ATXN10: variants seen among roughly 807,000 people sequenced by gnomAD.
ATXN10 encodes ataxin 10, also known as ataxin-10.
ATXN10 carries 28 observed loss-of-function variants against 52.9 expected under a neutral mutation model. The ratio of observed to expected loss-of-function variants is 0.53; its 90% CI spans 0.39 to 0.73. The LOEUF is 0.73. ATXN10 is among the 30% of genes least tolerant of loss of function. The probability of loss-of-function intolerance (pLI) is 0.00; values close to 1 mark genes in which losing one functional copy is unlikely to be tolerated. For synonymous variants in ATXN10, 226 were observed against 221.5 expected (o/e 1.02, Z -0.18); for missense variants, 565 against 577.0 (o/e 0.98, Z 0.21).
intron 3 of ATXN10, among the ~76,000 whole-genome samples, chr22:45,694,213 T>A (rs1000070567): frequency 1.3e-5 from 2 of 152,168 alleles, no homozygotes; most frequent in African/African-American, 4.8e-5. Context: ...TGGTCTTTGT[T>A]CTTCTAGCAT....
chr22:45,693,668 C>A (rs1400538860), intron 3 of ATXN10, among the ~76,000 whole-genome samples: 1 of 152,110 alleles, frequency 6.6e-6, no homozygotes, highest in African/African-American at 2.4e-5. Flanking sequence ...ATGGTCCTAA[C>A]CCCCAATACC....
Position 45,705,122 on chromosome 22 carries a change from A to C in ATXN10, c.647+2275A>C, listed in dbSNP as rs942948892. On this transcript the variant is annotated intron_variant, in intron 5 of 11. Transcript: ENST00000252934. This position sits in a 1 kb window ranked among gnomAD's most constrained non-coding sequence, Gnocchi z 5.2. ...TTCCTGAGATAAATCCTACTTGTTC[A>C]TAGTGTATAATCCTTTTTATATGTT... 2.6e-5 allele frequency among the ~76,000 whole-genome samples: 4 copies of C among 152,128 alleles called. No individual in the cohort carries two copies. The highest frequency in any genetic ancestry group is 9.7e-5 in the African/African-American group (4 of 41,410).
rs1161285550 is a variant in ATXN10 at position 45,787,132 on chromosome 22, AGAT to A, written c.1174-19823_1174-19821del. 6.6e-6 allele frequency among the ~76,000 whole-genome samples: 1 copy of A among 152,250 alleles called. No homozygotes were observed. Among genetic ancestry groups the A allele is most frequent in the African/African-American group, 2.4e-5 (1 of 41,468 alleles). On this transcript the variant is annotated intron_variant, in intron 9 of 11. Coordinates refer to ENST00000252934, the MANE Select transcript of ATXN10 (RefSeq NM_013236.4). The surrounding 1 kb of genome is among the most constrained non-coding windows in gnomAD (Gnocchi z 4.2). ...AAGATCTAAAATACTGTATATATAA[AGAT>A]GATCTTCATTTTTTAACAAATTAAG...
chr22:45,780,616 A>G lies in ATXN10; in HGVS notation c.1174-26343A>G, dbSNP rs1479183108. On this transcript the variant is annotated intron_variant, in intron 9 of 11. Coordinates refer to ENST00000252934, the MANE Select transcript of ATXN10 (RefSeq NM_013236.4). The surrounding 1 kb of genome is among the most constrained non-coding windows in gnomAD (Gnocchi z 4.0). ...TAGGGAGGATTAGGTCAGATACTACATGTAACGTGAACAGTGCTGGCCAAT... is the reference window on the plus strand; with the variant it reads ...TAGGGAGGATTAGGTCAGATACTACGTGTAACGTGAACAGTGCTGGCCAAT... Among the ~76,000 whole-genome samples the G allele has an allele frequency of 6.6e-6, 1 of 152,180 alleles. No homozygotes were observed. Among genetic ancestry groups the G allele is most frequent in the Non-Finnish European group, 1.5e-5 (1 of 68,034 alleles).
intron 1 of ATXN10, 66 bp downstream of exon 1, chr22:45,672,245 C>T: frequency 1.5e-6 from 2 of 1,312,844 alleles, no homozygotes; most frequent in South Asian, 2.0e-5. Context: ...GCGGCGGCCC[C>T]GGCCTGGACC....
At chr22:45,812,451 T>A (rs1462104697) in intron 10 of ATXN10, among the ~76,000 whole-genome samples, 1 of 152,188 alleles carries the variant, frequency 6.6e-6, no homozygotes, top group Non-Finnish European at 1.5e-5. Flanking sequence ...TATGTGTGCG[T>A]GTGCATGTGT....
At position 45,828,705 on chromosome 22, in the gene ATXN10, TTATAGTAAGTAC is replaced by T. The variant is rs1484705964; in HGVS notation, c.1238-14269_1238-14258del. ...TATTATAAAATATGGATAGACCTAGTTATAGTAAGTACTATAGTAAGTACTATAAGTTACTAG... is the reference window on the plus strand; with the variant it reads ...TATTATAAAATATGGATAGACCTAGTTATAGTAAGTACTATAAGTTACTAG... On this transcript the variant is annotated intron_variant, in intron 10 of 11. Transcript: ENST00000252934. This position sits in a 1 kb window ranked among gnomAD's most constrained non-coding sequence, Gnocchi z 4.5. 5.3e-5 allele frequency among the ~76,000 whole-genome samples: 8 copies of T among 152,194 alleles called. No individual in the cohort carries two copies. Among genetic ancestry groups the T allele is most frequent in the South Asian group, 2.1e-4 (1 of 4,828 alleles).
At position 45,807,154 on chromosome 22, in the gene ATXN10, A is replaced by G. The variant is rs139532858; in HGVS notation, c.1237+132A>G. 1.0e-3 allele frequency: 815 copies of G among 779,118 alleles called. 7 individuals carry two copies. In the African/African-American group the frequency reaches 0.013, roughly 12 times the overall value. The allele number at this position is 779,118 out of a possible 1,614,324, so 48.3% of individuals were successfully genotyped here. The stretch of plus-strand genomic sequence containing the variant: ...CTTGTTTACTTGTTCCTGAGAACCA[A>G]ATCATTTTCTCAGAGTTATGGTGCT... On this transcript the variant is annotated intron_variant, in intron 10 of 11. Transcript: ENST00000252934.
rs2146914771 is a variant in ATXN10 at position 45,835,862 on chromosome 22, T to C, written c.1238-7129T>C. ...TTAGTATTTTTTTTAACACTTTCAGTATTAGCAATTAGCCATTAATTGGTA... is the reference window on the plus strand; with the variant it reads ...TTAGTATTTTTTTTAACACTTTCAGCATTAGCAATTAGCCATTAATTGGTA... On this transcript the variant is annotated intron_variant, in intron 10 of 11. Coordinates refer to ENST00000252934, the MANE Select transcript of ATXN10 (RefSeq NM_013236.4). The surrounding 1 kb of genome is among the most constrained non-coding windows in gnomAD (Gnocchi z 5.0). 6.6e-6 allele frequency among the ~76,000 whole-genome samples: 1 copy of C among 152,342 alleles called. No homozygotes were observed. The highest frequency in any genetic ancestry group is 2.1e-4 in the South Asian group (1 of 4,824).
At chr22:45,711,582 C>A (rs1459964565) in intron 5 of ATXN10, among the ~76,000 whole-genome samples, 1 of 152,134 alleles carries the variant, frequency 6.6e-6, no homozygotes, top group Non-Finnish European at 1.5e-5. Context: ...TGGGTTGTCA[C>A]ATACTATAGT....
intron 1 of ATXN10, chr22:45,673,513 T>G (rs1024337928): frequency 1.3e-5 from 2 of 152,248 alleles, no homozygotes; most frequent in African/African-American, 4.8e-5. Context: ...TGCTTAGGCA[T>G]TTCTGTATCA....
chr22:45,747,464 A>C (rs2146811145), intron 9 of ATXN10, among the ~76,000 whole-genome samples: 1 of 151,176 alleles, frequency 6.6e-6, no homozygotes, highest in East Asian at 2.0e-4. Flanking sequence ...TGATTGTGCC[A>C]CTGTGTTCTA....
Position 45,688,532 on chromosome 22 carries a change from CATCACTTG to C in ATXN10, c.117-1179_117-1172del, listed in dbSNP as rs1249522935. 2.6e-5 allele frequency among the ~76,000 whole-genome samples: 4 copies of C among 152,160 alleles called. No homozygotes were observed. Among genetic ancestry groups the C allele is most frequent in the African/African-American group, 9.7e-5 (4 of 41,434 alleles). On this transcript the variant is annotated intron_variant, in intron 1 of 11. Transcript: ENST00000252934. This position sits in a 1 kb window ranked among gnomAD's most constrained non-coding sequence, Gnocchi z 4.0. ...TGTCTGTTCGTAAGATAAAAACACA[CATCACTTG>C]GTGTATAAGAAGCCATGGTACTGAA...
chr22:45,764,559 T>G (rs958793316), intron 9 of ATXN10, among the ~76,000 whole-genome samples: 12 of 152,336 alleles, frequency 7.9e-5, no homozygotes, highest in African/African-American at 2.9e-4. Flanking sequence ...TTTCGTTGAC[T>G]TTTTACCCCA....
chr22:45,702,553 A>G (rs1368474934), intron 4 of ATXN10, 136 bp from the exon 5 acceptor site: 20 of 734,542 alleles, frequency 2.7e-5, no homozygotes, highest in Non-Finnish European at 4.5e-5. Flanking sequence ...TAAATAATCT[A>G]CTTATTTTAA....
intron 9 of ATXN10, among the ~76,000 whole-genome samples, chr22:45,758,859 T>C (rs1268892632): frequency 6.6e-6 from 1 of 152,230 alleles, no homozygotes; most frequent in African/African-American, 2.4e-5. Context: ...TCTAGTGCTG[T>C]GTTATGCATA....
rs577032786 is a variant in ATXN10, at chr22:45,784,122, C to A, written c.1174-22837C>A. 9.2e-5 allele frequency among the ~76,000 whole-genome samples: 14 copies of A among 152,232 alleles called. No individual in the cohort carries two copies. Among genetic ancestry groups the A allele is most frequent in the African/African-American group, 3.1e-4 (13 of 41,538 alleles). The stretch of plus-strand genomic sequence containing the variant: ...CCAGCACATTTAATATTATTTCAGC[C>A]ATTCTCTCTTTTCTGAAAACCAGAA... On this transcript the variant is annotated intron_variant, in intron 9 of 11. Transcript: ENST00000252934. The surrounding 1 kb of genome is among the most constrained non-coding windows in gnomAD (Gnocchi z 4.2).
chr22:45,723,182 G>C (rs896047758), intron 6 of ATXN10, among the ~76,000 whole-genome samples: 1 of 151,788 alleles, frequency 6.6e-6, no homozygotes, highest in African/African-American at 2.4e-5. Flanking sequence ...TATATATGTA[G>C]ATAGATCCAC....
chr22:45,831,501 C>CA (rs369794415), intron 10 of ATXN10, among the ~76,000 whole-genome samples: 11 of 151,708 alleles, frequency 7.3e-5, no homozygotes, highest in South Asian at 2.1e-4. Flanking sequence ...TCTTCAGGGT[C>CA]AAAAAAAAGC....
Sources: gnomAD v4.1 joint callset for allele counts (sites outside exome capture counted in the v4.1 genomes callset) on GRCh38, gnomAD v4.1.1 for gene constraint, Gnocchi (gnomAD v3.1) non-coding constraint, MANE v1.5 for transcripts, NCBI Gene and HGNC (gene_info 2026-07-23, HGNC 2026-07-21) for gene names.